Variants in CEP350 observed in about 807,000 individuals in gnomAD.
The protein encoded by CEP350 is centrosome-associated protein 350.
A neutral mutation model predicts 331.8 loss-of-function variants in CEP350; 126 were observed. That is an observed-to-expected ratio of 0.38 (90% CI 0.33 to 0.44). The LOEUF is 0.44. CEP350 is among the 20% of genes least tolerant of loss of function. The pLI, the probability that CEP350 is intolerant of heterozygous loss-of-function variation, is 1.00. For missense variants in CEP350, 3,406 were observed against 3,634.6 expected, an observed-to-expected ratio of 0.94 and a Z score of 1.62; for synonymous variants, 1,200 against 1,259.5, an observed-to-expected ratio of 0.95 and a Z score of 1.00.
Position 179,992,145 on chromosome 1 carries a change from C to A in CEP350, c.319C>A (p.Leu107Ile). 1 of 1,544,022 alleles carries A rather than the reference C, an allele frequency of 6.5e-7. No homozygotes were observed. Among genetic ancestry groups the A allele is most frequent in the African/African-American group, 1.4e-5 (1 of 71,878 alleles). ...KSRKEKSRSPLRATTLESNVK... is the reference protein window; with the variant it reads ...KSRKEKSRSPIRATTLESNVK... ...ACGAAAAGAGAAATCTCGTAGTCCT[C>A]TCAGGGCCACCACCCTGGAGAGTAA... The change falls in exon 5 of 38, where the codon CTC becomes ATC. Residue 107 changes from leucine (L) to isoleucine (I), a missense_variant. Physicochemically the swap from Leu to Ile is conservative, Grantham distance 5. Transcript: ENST00000367607.
At chr1:179,987,347 T>C in intron 3 of CEP350, 61 bp downstream of exon 3, 2 of 900,238 alleles carry the variant, frequency 2.2e-6, no homozygotes, top group Admixed American at 2.3e-5. Context: ...CTGTTATGAT[T>C]GAATAGATTA....
At chr1:179,961,405 G>A (rs1446318363) in intron 1 of CEP350, among the ~76,000 whole-genome samples, 2 of 152,034 alleles carry the variant, frequency 1.3e-5, no homozygotes, top group East Asian at 1.9e-4. Flanking sequence ...CCGAGATCGC[G>A]TCACTGCACT....
In CEP350 at chr1:180,053,927, C is replaced by A. The variant is rs767191477; in HGVS notation, c.5167C>A (p.Gln1723Lys). 3.2e-6 allele frequency: 5 copies of A among 1,538,746 alleles called. No individual in the cohort carries two copies. Among genetic ancestry groups the A allele is most frequent in the Non-Finnish European group, 4.4e-6 (5 of 1,142,928 alleles). Residue 1723 changes from glutamine to lysine, a missense_variant, in exon 24 of 38, where the codon CAA (glutamine) becomes AAA (lysine). Transcript: ENST00000367607. ...TKAELAWLEH[Q>K]KKHLRDKGED... ...GGCTGAATTGGCCTGGTTAGAGCAT[C>A]AAAAAAAGTAAGTTCTTTTGAGCAG...
intron 37 of CEP350, among the ~76,000 whole-genome samples, chr1:180,110,131 C>G (rs1466300645): frequency 6.6e-6 from 1 of 152,026 alleles, no homozygotes; most frequent in Non-Finnish European, 1.5e-5. Flanking sequence ...GAAAAATACC[C>G]TAAGGTTAAA....
intron 6 of CEP350, 65 bp from the exon 7 acceptor site, chr1:180,003,109 G>C: frequency 9.8e-7 from 1 of 1,018,412 alleles, no homozygotes; most frequent in Non-Finnish European, 1.5e-6. Context: ...ACTTTAAAAA[G>C]TATAACAAAC....
At chr1:179,972,900 A>C (rs1312805234) in intron 1 of CEP350, among the ~76,000 whole-genome samples, 2 of 143,888 alleles carry the variant, frequency 1.4e-5, no homozygotes, top group Non-Finnish European at 3.0e-5. Flanking sequence ...ACAGAGTCTC[A>C]TTCTGTCGCC....
chr1:180,106,440 C>T (rs967142082), intron 37 of CEP350, among the ~76,000 whole-genome samples: 1 of 152,144 alleles, frequency 6.6e-6, no homozygotes, highest in African/African-American at 2.4e-5. Flanking sequence ...GGTCTTTTCT[C>T]CTTATAAAAC....
chr1:180,006,365 T>C, intron 7 of CEP350, 89 bp from the exon 8 acceptor site: 1 of 711,806 alleles, frequency 1.4e-6, no homozygotes, highest in Non-Finnish European at 2.5e-6. Context: ...CTGCAGCATA[T>C]ACTTTATACA....
At chr1:180,005,425 A>G (rs531844954) in intron 7 of CEP350, among the ~76,000 whole-genome samples, 2 of 151,862 alleles carry the variant, frequency 1.3e-5, no homozygotes, top group Admixed American at 6.6e-5. Flanking sequence ...CATATTTTGT[A>G]TGTAATATTG....
At chr1:179,988,902 ATT>A (rs1652842767) in intron 3 of CEP350, among the ~76,000 whole-genome samples, 1 of 152,100 alleles carries the variant, frequency 6.6e-6, no homozygotes, top group South Asian at 2.1e-4. Flanking sequence ...AGCAATATAT[ATT>A]CTCTTTCTTC....
At position 180,084,040 on chromosome 1, in the gene CEP350, T is replaced by C. The variant is rs1303460147; in HGVS notation, c.6147T>C (p.Asp2049=). ...TQSETTSDQS[D]IEGRIRALKD... ...CAGAAACTACATCTGACCAGAGTGATATTGAAGGTAGGATCAGAGCTCTGA... is the reference window on the plus strand; with the variant it reads ...CAGAAACTACATCTGACCAGAGTGACATTGAAGGTAGGATCAGAGCTCTGA... Residue 2049 remains aspartate (D), a synonymous_variant, in exon 31 of 38, where the codon GAT becomes GAC. Transcript: ENST00000367607. The C allele has an allele frequency of 6.3e-7, 1 of 1,582,758 alleles. No homozygotes were observed. Among genetic ancestry groups the C allele is most frequent in the Non-Finnish European group, 8.6e-7 (1 of 1,160,590 alleles).
chr1:180,062,357 GAGTAAATTGGTAA>G lies in CEP350; in HGVS notation c.5402_5409+5del. The G allele has an allele frequency of 6.3e-7, 1 of 1,594,716 alleles. No homozygotes were observed. Among genetic ancestry groups the G allele is most frequent in the Non-Finnish European group, 8.5e-7 (1 of 1,170,954 alleles). ...AGGAGAAATTGAAGTCTGCAGGGGA[GAGTAAATTGGTAA>G]ACTACATGAAGTTATTATTTGTTTC... On this transcript the variant is annotated splice_donor_variant and splice_donor_region_variant and coding_sequence_variant and intron_variant, in exon 26 of 38. Coordinates refer to ENST00000367607, the MANE Select transcript of CEP350 (RefSeq NM_014810.5). LOFTEE classifies it high-confidence loss of function.
At position 180,031,478 on chromosome 1, in the gene CEP350, T is replaced by G; in HGVS notation, c.3709T>G (p.Ser1237Ala). The change falls in exon 15 of 38, where the codon TCT (serine) becomes GCT (alanine). Residue 1237 changes from serine to alanine, a missense_variant. By Grantham distance (99) the Ser-to-Ala change is moderately conservative. Around this residue, in one of 5 missense-constraint regions of CEP350, gnomAD observed 1,857 missense variants for 1,909.2 expected, o/e 0.97. Coordinates refer to ENST00000367607, the MANE Select transcript of CEP350 (RefSeq NM_014810.5). ...TACAGATAGCACTTTGGAGGATCTT[T>G]CTGGACATTCTGTGAGGTAATGTAT... Reference protein sequence around the residue: ...LDTDSTLEDLSGHSVSVSSDK... With the variant: ...LDTDSTLEDLAGHSVSVSSDK... 1.3e-6 allele frequency: 2 copies of G among 1,481,822 alleles called. No homozygotes were observed. The highest frequency in any genetic ancestry group is 1.8e-6 in the Non-Finnish European group (2 of 1,109,018). 91.8% of individuals were successfully genotyped at this position (1,481,822 alleles called of 1,614,324 possible). A position where few individuals can be genotyped will look rare whatever the true frequency, so the allele number is the denominator to read the frequency against.
intron 4 of CEP350, 86 bp downstream of exon 4, chr1:179,990,707 A>C: frequency 1.6e-6 from 1 of 636,338 alleles, no homozygotes; most frequent in African/African-American, 1.9e-5. Context: ...GGGGTGTGCC[A>C]CCACACCTGG....
intron 28 of CEP350, among the ~76,000 whole-genome samples, chr1:180,075,697 G>A (rs1451585848): frequency 3.3e-5 from 5 of 152,164 alleles, no homozygotes; most frequent in East Asian, 1.9e-4. Context: ...GCTCATGCCT[G>A]TAATCTTAGC....
chr1:180,075,262 TA>T, intron 28 of CEP350, 41 bp downstream of exon 28: 2 of 1,514,360 alleles, frequency 1.3e-6, no homozygotes, highest in Non-Finnish European at 1.8e-6. Flanking sequence ...AACTAAAGCC[TA>T]ACATAATTGA....
chr1:180,041,854 G>A, intron 19 of CEP350, 52 bp downstream of exon 19: 1 of 1,526,944 alleles, frequency 6.5e-7, no homozygotes, highest in Non-Finnish European at 8.9e-7. Context: ...GTCAATCTGA[G>A]TAACTTTGAT....
intron 14 of CEP350, among the ~76,000 whole-genome samples, chr1:180,025,233 C>G (rs1017299785): frequency 6.6e-6 from 1 of 152,158 alleles, no homozygotes; most frequent in Non-Finnish European, 1.5e-5. Flanking sequence ...TAAATAATTG[C>G]TTTGCAGTTG....
At chr1:179,969,876 T>G (rs1327391693) in intron 1 of CEP350, among the ~76,000 whole-genome samples, 1 of 152,206 alleles carries the variant, frequency 6.6e-6, no homozygotes, top group Non-Finnish European at 1.5e-5. Context: ...ATAGTAACAC[T>G]TTCTTATGTA....
Sources: gnomAD v4.1 joint callset for allele counts (sites outside exome capture counted in the v4.1 genomes callset) on GRCh38, gnomAD v4.1.1 for gene constraint, gnomAD v4.1.1 regional missense constraint, MANE v1.5 for transcripts, NCBI Gene and HGNC (gene_info 2026-07-23, HGNC 2026-07-21) for gene names.